The following NADSYN1 variants were observed in gnomAD, a reference collection of about 807,000 sequenced individuals.
NADSYN1 encodes the protein glutamine-dependent NAD(+) synthetase.
NADSYN1 carries 80 observed loss-of-function variants against 99.3 expected under a neutral mutation model. That is an observed-to-expected ratio of 0.81 (90% CI 0.67 to 0.97). The LOEUF is 0.97. Among genes scored for constraint, NADSYN1 ranks in the 50% least tolerant of loss-of-function variants. The pLI is 0.00. For synonymous variants in NADSYN1, 385 were observed against 372.1 expected, an observed-to-expected ratio of 1.03 and a Z score of -0.40; for missense variants, 859 against 948.5, an observed-to-expected ratio of 0.91 and a Z score of 1.24.
Position 71,485,539 on chromosome 11 carries a change from C to T in NADSYN1, c.1456-3C>T, listed in dbSNP as rs1281314264. On this transcript the variant is annotated splice_polypyrimidine_tract_variant and splice_region_variant and intron_variant, in intron 15 of 20. Coordinates refer to ENST00000319023, the MANE Select transcript of NADSYN1 (RefSeq NM_018161.5). ...CCGTTATTTCCTCTGTTGTGTTTTC[C>T]AGGCTCGAATACGGATGGTCCTCGC... 1.3e-6 allele frequency: 2 copies of T among 1,550,994 alleles called. No individual in the cohort carries two copies. Among genetic ancestry groups the T allele is most frequent in the Non-Finnish European group, 8.7e-7 (1 of 1,146,572 alleles).
At chr11:71,501,136 G>T (rs570353513) in intron 20 of NADSYN1, among the ~76,000 whole-genome samples, 166 bp from the exon 21 acceptor site, 9 of 152,224 alleles carry the variant, frequency 5.9e-5, no homozygotes, top group Admixed American at 4.6e-4. Context: ...ATCTGGACCC[G>T]CCCCTCCAGG....
rs753558187 is a variant in NADSYN1, at chr11:71,498,547, T to G, written c.2070+19T>G. On this transcript the variant is annotated intron_variant, in intron 20 of 20. Transcript: ENST00000319023. ...AAATCAGGTAAATCCAGCAGAAATG[T>G]TTCTCTCTCCATGTTTCATGTCTGT... 53 of 1,611,176 alleles carry G rather than the reference T, an allele frequency of 3.3e-5. No individual in the cohort carries two copies. The highest frequency in any genetic ancestry group is 4.1e-5 in the Non-Finnish European group (48 of 1,177,822).
chr11:71,497,265 C>T (rs778011725), intron 18 of NADSYN1: 60 of 552,364 alleles, frequency 1.1e-4, no homozygotes, highest in South Asian at 9.0e-4. Flanking sequence ...TCACCCGTTA[C>T]GGTCCTCCAA....
chr11:71,489,384 C>A (rs1417387184), intron 16 of NADSYN1, among the ~76,000 whole-genome samples: 2 of 152,138 alleles, frequency 1.3e-5, no homozygotes, highest in Admixed American at 6.5e-5. Context: ...CCCATGGTCC[C>A]CACTTCCTGG....
intron 1 of NADSYN1, 35 bp from the exon 2 acceptor site, chr11:71,455,075 A>G: frequency 6.5e-7 from 1 of 1,545,220 alleles, no homozygotes; most frequent in Middle Eastern, 1.7e-4. Flanking sequence ...AGGTGCTGAA[A>G]TTGCTCCATT....
At chr11:71,489,686 G>C (rs1487622959) in intron 16 of NADSYN1, among the ~76,000 whole-genome samples, 2 of 152,234 alleles carry the variant, frequency 1.3e-5, no homozygotes, top group South Asian at 2.1e-4. Context: ...GGCAGCACAG[G>C]GTCTCACCTG....
intron 18 of NADSYN1, 79 bp from the exon 19 acceptor site, chr11:71,497,404 C>A (rs1317174528): frequency 1.3e-6 from 2 of 1,588,480 alleles, no homozygotes; most frequent in Non-Finnish European, 1.7e-6. Context: ...GTCTCTGGTT[C>A]CCATCTCCAA....
intron 14 of NADSYN1, among the ~76,000 whole-genome samples, chr11:71,483,448 T>G (rs2120481224): frequency 6.6e-6 from 1 of 152,282 alleles, no homozygotes; most frequent in Middle Eastern, 3.4e-3. Context: ...TCCTGGGAGT[T>G]GGCTGCAGGC....
chr11:71,457,835 C>T (rs1030994696), intron 2 of NADSYN1, among the ~76,000 whole-genome samples: 1 of 152,142 alleles, frequency 6.6e-6, no homozygotes, highest in Non-Finnish European at 1.5e-5. Context: ...TGGATTTAGG[C>T]CCCCCTGCAA....
rs1309244929 is a variant in NADSYN1, at chr11:71,480,877, A to G, written c.996A>G (p.Ile332Met). 2.0e-5 allele frequency: 33 copies of G among 1,613,912 alleles called. No individual in the cohort carries two copies. Among genetic ancestry groups the G allele is most frequent in the Non-Finnish European group, 2.7e-5 (32 of 1,179,976 alleles). The change falls in exon 11 of 21, where the codon ATA (isoleucine) becomes ATG (methionine). Residue 332 changes from isoleucine (I) to methionine (M), a missense_variant and splice_region_variant. Physicochemically the swap from Ile to Met is conservative, Grantham distance 10. Transcript: ENST00000319023. ...EWKYHSPEEE[I>M]SLGPACWLWD... Reference sequence around the variant, plus strand: ...AATACCACAGCCCTGAGGAGGAGATAAGGTGTGTGGCCCCTGACCCCTGGG... The same window carrying G: ...AATACCACAGCCCTGAGGAGGAGATGAGGTGTGTGGCCCCTGACCCCTGGG...
rs199672894 is a variant in NADSYN1, at chr11:71,474,444, G to C, written c.716G>C (p.Arg239Pro). 6.2e-7 allele frequency: 1 copy of C among 1,614,202 alleles called. No homozygotes were observed. Among genetic ancestry groups the C allele is most frequent in the South Asian group, 1.1e-5 (1 of 91,080 alleles). ...AACCAGAAGGGTTGTGACGGGGACC[G>C]CCTGTACTACGACGGCTGTGCCATG... is the stretch of plus-strand genomic sequence containing the variant. ...LANQKGCDGD[R>P]LYYDGCAMIA... is the part of the protein sequence containing the mutation. Residue 239 changes from arginine (R) to proline (P), a missense_variant, in exon 9 of 21, where the codon CGC becomes CCC. Arg to Pro is a moderately radical substitution (Grantham distance 103). Transcript: ENST00000319023.
intron 9 of NADSYN1, chr11:71,477,528 T>G: frequency 9.7e-7 from 1 of 1,034,428 alleles, no homozygotes; most frequent in Non-Finnish European, 1.3e-6. Flanking sequence ...CAGGTGCTGT[T>G]CCCGCTGTCC....
chr11:71,485,371 C>A, intron 15 of NADSYN1, 171 bp from the exon 16 acceptor site: 1 of 514,820 alleles, frequency 1.9e-6, no homozygotes, highest in Non-Finnish European at 3.4e-6. Context: ...GTGGGACCAC[C>A]CCGAGAGGAA....
chr11:71,501,562 A>C lies in NADSYN1; in HGVS notation c.*210A>C, dbSNP rs1949857915. 1.8e-6 allele frequency: 1 copy of C among 559,830 alleles called. No individual in the cohort carries two copies. Among genetic ancestry groups the C allele is most frequent in the Non-Finnish European group, 3.1e-6 (1 of 319,744 alleles). The allele number at this position is 559,830 out of a possible 1,614,324, so 34.7% of individuals were successfully genotyped here. ...AAGAGGCTGGAATCCAATGCACATG[A>C]TTTTGACCTCCCGCCAGCGTGCGCT... On this transcript the variant is annotated 3_prime_UTR_variant, in exon 21 of 21. Transcript: ENST00000319023.
At chr11:71,495,884 A>C (rs945213714) in intron 18 of NADSYN1, among the ~76,000 whole-genome samples, 7 of 152,162 alleles carry the variant, frequency 4.6e-5, no homozygotes, top group African/African-American at 1.7e-4. Flanking sequence ...AGGGAATGGG[A>C]GCAGATCTTG....
chr11:71,482,455 G>A lies in NADSYN1; in HGVS notation c.1151-394G>A, dbSNP rs973993607. 5.9e-5 allele frequency among the ~76,000 whole-genome samples: 9 copies of A among 151,658 alleles called. No individual in the cohort carries two copies. In the South Asian group the frequency reaches 1.9e-3, roughly 32 times the overall value. ...CACAGGCACCTGGGGGTGTAGACCGGGGTGCAGCCGTACGGGCACCTGAGG... is the reference window on the plus strand; with the variant it reads ...CACAGGCACCTGGGGGTGTAGACCGAGGTGCAGCCGTACGGGCACCTGAGG... On this transcript the variant is annotated intron_variant, in intron 13 of 20. Transcript: ENST00000319023.
chr11:71,472,338 T>A (rs1373865307), intron 5 of NADSYN1, 111 bp from the exon 6 acceptor site: 4 of 884,370 alleles, frequency 4.5e-6, no homozygotes, highest in African/African-American at 1.6e-5. Flanking sequence ...GCAGTTCCTT[T>A]GCCAGTTCAT....
chr11:71,473,855 C>T (rs543913495), intron 8 of NADSYN1, among the ~76,000 whole-genome samples, 169 bp downstream of exon 8: 20 of 152,336 alleles, frequency 1.3e-4, no homozygotes, highest in African/African-American at 2.2e-4. Context: ...AGGGCTTCGC[C>T]GGCACAGCCC....
At chr11:71,463,673 C>T (rs1360331819) in intron 4 of NADSYN1, among the ~76,000 whole-genome samples, 188 bp downstream of exon 4, 1 of 150,506 alleles carries the variant, frequency 6.6e-6, no homozygotes, top group African/African-American at 2.5e-5. Flanking sequence ...TTCTGGGTCT[C>T]AGCCACCACC....
Sources: gnomAD v4.1 joint callset for allele counts (sites outside exome capture counted in the v4.1 genomes callset) on GRCh38, gnomAD v4.1.1 for gene constraint, MANE v1.5 for transcripts, NCBI Gene and HGNC (gene_info 2026-07-23, HGNC 2026-07-21) for gene names.